SCAPER: variants seen among roughly 807,000 people sequenced by gnomAD.
The protein encoded by SCAPER is S phase cyclin A-associated protein in the endoplasmic reticulum.
A neutral mutation model predicts 182.2 loss-of-function variants in SCAPER; 98 were observed. That is an observed-to-expected ratio of 0.54 (90% CI 0.46 to 0.64). The LOEUF (loss-of-function observed/expected upper bound fraction) is 0.64. SCAPER is among the 30% of genes least tolerant of loss of function. SCAPER has a pLI of 0.00. For synonymous variants in SCAPER, 605 were observed against 564.6 expected (o/e 1.07, Z -1.01); for missense variants, 1,432 against 1,690.0 (o/e 0.85, Z 2.68).
chr15:76,826,265 A>G (rs1178371593), intron 5 of SCAPER, among the ~76,000 whole-genome samples: 2 of 151,902 alleles, frequency 1.3e-5, no homozygotes, highest in Non-Finnish European at 2.9e-5. Context: ...CTTTGTAGGG[A>G]CATGGATGAA....
Position 76,486,284 on chromosome 15 carries a change from C to T in SCAPER, c.2955-14949G>A, listed in dbSNP as rs530960898. Among the ~76,000 whole-genome samples, 25 of 152,196 alleles carry T rather than the reference C, an allele frequency of 1.6e-4. 1 individual carries two copies. Among genetic ancestry groups the T allele is most frequent in the Admixed American group, 1.2e-3 (18 of 15,290 alleles). On this transcript the variant is annotated intron_variant, in intron 24 of 31. Coordinates refer to ENST00000563290, the MANE Select transcript of SCAPER (RefSeq NM_020843.4). Reference sequence around the variant, plus strand: ...ACTCTGGAAGACAACCTAGGCAATACGATTCAGGGCATAGGCATGGGCAAA... The same window carrying T: ...ACTCTGGAAGACAACCTAGGCAATATGATTCAGGGCATAGGCATGGGCAAA...
intron 27 of SCAPER, among the ~76,000 whole-genome samples, chr15:76,382,945 A>C (rs2043047146): frequency 1.3e-5 from 2 of 150,308 alleles, no homozygotes; most frequent in Non-Finnish European, 3.0e-5. Context: ...ATAAGTTTCT[A>C]CTCAATGTTT....
intron 17 of SCAPER, among the ~76,000 whole-genome samples, chr15:76,725,072 CA>C (rs2060499943): frequency 6.6e-6 from 1 of 152,012 alleles, no homozygotes; most frequent in African/African-American, 2.4e-5. Context: ...ATCTTCTCTC[CA>C]CCCCCCAATA....
intron 14 of SCAPER, among the ~76,000 whole-genome samples, chr15:76,759,331 T>C (rs894263586): frequency 6.6e-6 from 1 of 152,126 alleles, no homozygotes; most frequent in African/African-American, 2.4e-5. Flanking sequence ...AATATCAAGG[T>C]GGTGGCATCT....
chr15:76,764,930 T>C (rs1045482556), intron 14 of SCAPER, 31 bp downstream of exon 14: 1 of 1,343,584 alleles, frequency 7.4e-7, no homozygotes, highest in Middle Eastern at 1.8e-4. Flanking sequence ...AACTTCAGAC[T>C]ATCATAATTT....
intron 21 of SCAPER, among the ~76,000 whole-genome samples, chr15:76,625,085 G>A (rs759397215): frequency 4.6e-5 from 7 of 152,250 alleles, no homozygotes; most frequent in South Asian, 4.1e-4. Flanking sequence ...TACCAACAGC[G>A]GTGGACTGGG....
chr15:76,855,835 G>C (rs1284139462), intron 4 of SCAPER: 1 of 427,704 alleles, frequency 2.3e-6, no homozygotes, highest in South Asian at 1.7e-5. Flanking sequence ...GTGTAAATTA[G>C]TTCGGCCATT....
chr15:76,697,208 G>T (rs186329959), intron 20 of SCAPER, among the ~76,000 whole-genome samples: 1 of 152,156 alleles, frequency 6.6e-6, no homozygotes, highest in Non-Finnish European at 1.5e-5. Context: ...ACCCTCTACT[G>T]ATTAAAAAAA....
chr15:76,597,163 T>A (rs1355046613), intron 22 of SCAPER, among the ~76,000 whole-genome samples: 1 of 118,636 alleles, frequency 8.4e-6, no homozygotes, highest in East Asian at 2.2e-4. Context: ...TATACACCAA[T>A]AATGGACAGA....
At chr15:76,639,366 T>C (rs1274584884) in intron 21 of SCAPER, among the ~76,000 whole-genome samples, 2 of 152,204 alleles carry the variant, frequency 1.3e-5, no homozygotes, top group Admixed American at 6.5e-5. Flanking sequence ...TCCCCTATTA[T>C]ATCATAGATT....
At chr15:76,536,509 T>G (rs1026030653) in intron 23 of SCAPER, among the ~76,000 whole-genome samples, 31 of 152,210 alleles carry the variant, frequency 2.0e-4, no homozygotes, top group Non-Finnish European at 5.9e-5. Flanking sequence ...GAGACAATAT[T>G]ACAAAAGTGT....
chr15:76,720,444 A>C (rs2060160558), intron 17 of SCAPER, among the ~76,000 whole-genome samples: 1 of 152,234 alleles, frequency 6.6e-6, no homozygotes, highest in Non-Finnish European at 1.5e-5. Context: ...GTATATACCC[A>C]GTAATGGGAC....
At chr15:76,663,562 G>C (rs893230755) in intron 21 of SCAPER, among the ~76,000 whole-genome samples, 1 of 151,440 alleles carries the variant, frequency 6.6e-6, no homozygotes, top group African/African-American at 2.4e-5. Context: ...CATCAACACA[G>C]ATAAACCTCA....
intron 23 of SCAPER, among the ~76,000 whole-genome samples, chr15:76,534,508 C>T (rs954893110): frequency 4.6e-5 from 7 of 152,280 alleles, no homozygotes; most frequent in East Asian, 1.9e-4. Context: ...CTCTAAAGGA[C>T]AGTTTTAAAT....
intron 22 of SCAPER, among the ~76,000 whole-genome samples, chr15:76,581,100 A>G (rs1239412575): frequency 6.6e-6 from 1 of 152,186 alleles, no homozygotes; most frequent in African/African-American, 2.4e-5. Flanking sequence ...TGAACTACGA[A>G]GAAATCCAAA....
intron 17 of SCAPER, among the ~76,000 whole-genome samples, chr15:76,724,271 T>G (rs1301531146): frequency 6.6e-6 from 1 of 152,122 alleles, no homozygotes; most frequent in Non-Finnish European, 1.5e-5. Flanking sequence ...TCTTCTGGCT[T>G]ATAGAGTTTC....
intron 24 of SCAPER, among the ~76,000 whole-genome samples, chr15:76,486,645 C>T (rs1172172433): frequency 6.6e-6 from 1 of 152,056 alleles, no homozygotes; most frequent in Admixed American, 6.5e-5. Context: ...AATGAGATAC[C>T]ATCTTACACC....
intron 22 of SCAPER, among the ~76,000 whole-genome samples, chr15:76,605,752 G>A (rs1391536759): frequency 1.3e-5 from 2 of 152,206 alleles, no homozygotes; most frequent in African/African-American, 4.8e-5. Context: ...TTAGTCTTGG[G>A]AGGATGTATG....
intron 8 of SCAPER, among the ~76,000 whole-genome samples, chr15:76,793,810 G>A (rs1228519183): frequency 6.6e-6 from 1 of 152,234 alleles, no homozygotes; most frequent in Non-Finnish European, 1.5e-5. Flanking sequence ...TCAGAGCACA[G>A]GTAAAATAAC....
Sources: gnomAD v4.1 joint callset for allele counts (sites outside exome capture counted in the v4.1 genomes callset) on GRCh38, gnomAD v4.1.1 for gene constraint, MANE v1.5 for transcripts, NCBI Gene and HGNC (gene_info 2026-07-23, HGNC 2026-07-21) for gene names.